The following PRELID2 variants were observed in gnomAD, a reference collection of about 807,000 sequenced individuals.
PRELID2 encodes the protein PRELI domain containing 2.
Under a neutral mutation model 28.4 loss-of-function variants are expected in PRELID2, and 25 were observed. The ratio of observed to expected loss-of-function variants is 0.88; its 90% CI spans 0.64 to 1.23. PRELID2 has a LOEUF of 1.23. Ranked by LOEUF, PRELID2 falls within the 50% of genes most tolerant of loss-of-function variation. PRELID2 has a pLI of 0.00. For missense variants in PRELID2, 201 were observed against 214.4 expected (o/e 0.94, Z 0.39); for synonymous variants, 76 against 71.6 (o/e 1.06, Z -0.31).
At chr5:145,716,221 G>A (rs994557593) in intron 1 of PRELID2, among the ~76,000 whole-genome samples, 4 of 152,266 alleles carry the variant, frequency 2.6e-5, no homozygotes, top group Admixed American at 6.5e-5. Context: ...TGTCTTGTTC[G>A]TCATTGTATA....
chr5:145,734,706 G>A (rs1173272718), intron 1 of PRELID2, among the ~76,000 whole-genome samples: 1 of 151,880 alleles, frequency 6.6e-6, no homozygotes, highest in Non-Finnish European at 1.5e-5. Context: ...TACCTGCCAG[G>A]GACTATGCTA....
chr5:145,428,666 T>A, the PRELID2 span, among the ~76,000 whole-genome samples: 1 of 152,110 alleles, frequency 6.6e-6, no homozygotes, highest in Non-Finnish European at 1.5e-5. Context: ...ACATGTACCC[T>A]AGAACTTAAA....
At chr5:145,320,033 A>G in the PRELID2 span, among the ~76,000 whole-genome samples, 1 of 152,170 alleles carries the variant, frequency 6.6e-6, no homozygotes, top group Admixed American at 6.5e-5. Flanking sequence ...AATATAATCC[A>G]TCTTAACCAT....
the PRELID2 span, among the ~76,000 whole-genome samples, chr5:145,249,814 T>C: frequency 1.1e-4 from 16 of 152,242 alleles, no homozygotes; most frequent in African/African-American, 3.8e-4. Flanking sequence ...TAAATCCTTG[T>C]GCTTTGGCTG....
At chr5:145,740,111 C>G (rs1199448161) in intron 1 of PRELID2, among the ~76,000 whole-genome samples, 1 of 149,896 alleles carries the variant, frequency 6.7e-6, no homozygotes, top group Non-Finnish European at 1.5e-5. Flanking sequence ...TATAATCACA[C>G]AGGCAGGTTG....
At chr5:145,232,395 T>C in the PRELID2 span, among the ~76,000 whole-genome samples, 2 of 152,108 alleles carry the variant, frequency 1.3e-5, no homozygotes, top group Non-Finnish European at 1.5e-5. Flanking sequence ...AGTGGGGAAG[T>C]AGGGCTTCCA....
chr5:145,499,107 G>T (rs1018221328), intron 1 of PRELID2, among the ~76,000 whole-genome samples: 2 of 152,100 alleles, frequency 1.3e-5, no homozygotes, highest in African/African-American at 4.8e-5. Flanking sequence ...AATTAGCCGG[G>T]TGTGGTGGTG....
the PRELID2 span, among the ~76,000 whole-genome samples, chr5:145,312,455 T>C: frequency 6.6e-6 from 1 of 152,186 alleles, no homozygotes; most frequent in Non-Finnish European, 1.5e-5. Context: ...AACTTATTTC[T>C]CCTATTGAAG....
chr5:145,303,859 G>T, the PRELID2 span, among the ~76,000 whole-genome samples: 6 of 152,148 alleles, frequency 3.9e-5, no homozygotes, highest in African/African-American at 1.4e-4. Context: ...TGTTGGAAAT[G>T]ACCATCTTTG....
chr5:145,336,190 T>C, the PRELID2 span, among the ~76,000 whole-genome samples: 1 of 152,106 alleles, frequency 6.6e-6, no homozygotes, highest in East Asian at 1.9e-4. Flanking sequence ...GTCAGATGAG[T>C]AGGTTGCAAA....
the PRELID2 span, among the ~76,000 whole-genome samples, chr5:145,292,366 A>C: frequency 6.6e-6 from 1 of 152,036 alleles, no homozygotes; most frequent in Non-Finnish European, 1.5e-5. Flanking sequence ...TTATTTTATG[A>C]CTTCATGAAA....
chr5:145,741,978 A>C (rs1164859017), intron 1 of PRELID2, among the ~76,000 whole-genome samples: 1 of 32,378 alleles, frequency 3.1e-5, no homozygotes, highest in African/African-American at 8.4e-5. Flanking sequence ...AAATTTATTT[A>C]ATTATAATAA....
At chr5:145,665,999 A>AG (rs545539798) in intron 1 of PRELID2, among the ~76,000 whole-genome samples, 1,874 of 147,738 alleles carry the variant, frequency 0.013, 23 homozygotes, top group African/African-American at 0.028. Context: ...AAAAAAAAAA[A>AG]AAAGAAAGAA....
At chr5:145,664,427 T>C (rs1397908449) in intron 1 of PRELID2, among the ~76,000 whole-genome samples, 2 of 152,118 alleles carry the variant, frequency 1.3e-5, no homozygotes, top group Admixed American at 1.3e-4. Flanking sequence ...GTTTCTTTCT[T>C]CCTGGCTCCT....
At chr5:145,656,663 A>G (rs1754401690) in intron 1 of PRELID2, among the ~76,000 whole-genome samples, 1 of 150,860 alleles carries the variant, frequency 6.6e-6, no homozygotes, top group Non-Finnish European at 1.5e-5. Flanking sequence ...CAAAAAACCA[A>G]ACACCGCATG....
At chr5:145,356,682 G>A in the PRELID2 span, among the ~76,000 whole-genome samples, 27,773 of 152,020 alleles carry the variant, frequency 0.18, 2,677 homozygotes, top group Middle Eastern at 0.28. Context: ...AGATGCATAC[G>A]CTGTAGACAG....
At chr5:145,236,308 C>T in the PRELID2 span, among the ~76,000 whole-genome samples, 2 of 152,090 alleles carry the variant, frequency 1.3e-5, no homozygotes, top group African/African-American at 4.8e-5. Flanking sequence ...ATCTCAGGAC[C>T]TCCCAAACTT....
chr5:145,518,152 TAA>T (rs1306419129), intron 1 of PRELID2, among the ~76,000 whole-genome samples: 2 of 141,860 alleles, frequency 1.4e-5, no homozygotes, highest in Non-Finnish European at 3.0e-5. Flanking sequence ...ATAATAATAA[TAA>T]TAATAATAAT....
rs571587176 is a variant in PRELID2, at chr5:145,555,356, A to C, written n.71-82041T>G. 2.0e-5 allele frequency among the ~76,000 whole-genome samples: 3 copies of C among 152,366 alleles called. No homozygotes were observed. In the South Asian group the frequency reaches 6.2e-4, roughly 32 times the overall value. On this transcript the variant is annotated intron_variant and non_coding_transcript_variant, in intron 1 of 2. Coordinates refer to the PRELID2 transcript ENST00000510259. The stretch of plus-strand genomic sequence containing the variant: ...GATTCTGATGTATCTCAGCAGTTCA[A>C]AAGTATTTAAAGATCTCCAGTGACT...
Sources: allele counts gnomAD v4.1 joint callset (sites outside exome capture counted in the v4.1 genomes callset), GRCh38; gene constraint gnomAD v4.1.1; transcripts MANE v1.5; gene names NCBI Gene and HGNC (gene_info 2026-07-23, HGNC 2026-07-21).